Variants in NR2F2 observed in about 807,000 individuals in gnomAD.
The protein encoded by NR2F2 is nuclear receptor subfamily 2 group F member 2.
A neutral mutation model predicts 34.8 loss-of-function variants in NR2F2; 2 were observed. The observed-to-expected ratio is 0.06, with a 90% CI of 0.02 to 0.18. The LOEUF is 0.18. NR2F2 is among the 10% of genes least tolerant of loss of function. NR2F2 has a pLI of 1.00. For missense variants in NR2F2, 300 were observed against 580.1 expected (o/e 0.52, Z 4.96); for synonymous variants, 274 against 251.8 (o/e 1.09, Z -0.84).
chr15:96,334,128 G>T lies in NR2F2; in HGVS notation c.495G>T (p.Ala165=). The change falls in exon 2 of 3, where the codon GCG becomes GCT. Residue 165 remains alanine, a synonymous_variant. Coordinates refer to ENST00000394166, the MANE Select transcript of NR2F2 (RefSeq NM_021005.4). ...PPTQPTHGQF[A]LTNGDPLNCH... ...CCCAGCCGACCCACGGGCAGTTCGC[G>T]CTGACCAACGGGGATCCCCTCAACT... 1.9e-6 allele frequency: 3 copies of T among 1,613,666 alleles called. No homozygotes were observed. Among genetic ancestry groups the T allele is most frequent in the Non-Finnish European group, 1.7e-6 (2 of 1,180,030 alleles).
Position 96,330,857 on chromosome 15 carries a change from C to G in NR2F2, c.-1249C>G. ...GTTTTCTTCTTCTCCTCCTCCTCTC[C>G]CCGAGTTGCCTCCTTTCTCCGGGTG... On this transcript the variant is annotated 5_prime_UTR_variant, in exon 1 of 3. Coordinates refer to ENST00000394166, the MANE Select transcript of NR2F2 (RefSeq NM_021005.4). 1.7e-6 allele frequency: 2 copies of G among 1,157,810 alleles called. No homozygotes were observed. Among genetic ancestry groups the G allele is most frequent in the Non-Finnish European group, 2.1e-6 (2 of 939,918 alleles). The allele number at this position is 1,157,810 out of a possible 1,614,324, so 71.7% of individuals were successfully genotyped here.
In NR2F2 at chr15:96,332,310, G is replaced by A. The variant is rs1228634225; in HGVS notation, c.205G>A (p.Asp69Asn). The stretch of plus-strand genomic sequence containing the variant: ...GGGCGGCCCTGGCGGCCCGGGTAGC[G>A]ACAAGCAGCAGCAGCAGCAACACAT... ...GQGGPGGPGS[D>N]KQQQQQHIEC... Residue 69 changes from aspartate (D) to asparagine (N), a missense_variant, in exon 1 of 3, where the codon GAC becomes AAC. This residue lies in a region of NR2F2 where 105 missense variants were observed against 107.8 expected (regional missense o/e 0.97). Coordinates refer to ENST00000394166, the MANE Select transcript of NR2F2 (RefSeq NM_021005.4). The A allele has an allele frequency of 6.3e-7, 1 of 1,586,014 alleles. No homozygotes were observed. Among genetic ancestry groups the A allele is most frequent in the Non-Finnish European group, 8.6e-7 (1 of 1,166,672 alleles).
Position 96,331,297 on chromosome 15 carries a change from G to GGCC in NR2F2, c.-808_-806dup, listed in dbSNP as rs1899133647. 2 of 1,096,322 alleles carry GGCC rather than the reference G, an allele frequency of 1.8e-6. No homozygotes were observed. The highest frequency in any genetic ancestry group is 1.7e-5 in the African/African-American group (1 of 59,506). 67.9% of individuals were successfully genotyped at this position (1,096,322 alleles called of 1,614,324 possible). A position where few individuals can be genotyped will look rare whatever the true frequency, so the allele number is the denominator to read the frequency against. ...GCCCGGGGCAGGCGGCGGCGGCGGCGGCCCAGCGCCAGGACGACGCCGCGC... is the reference window on the plus strand; with the variant it reads ...GCCCGGGGCAGGCGGCGGCGGCGGCGGCCGCCCAGCGCCAGGACGACGCCGCGC... On this transcript the variant is annotated 5_prime_UTR_variant, in exon 1 of 3. Coordinates refer to ENST00000394166, the MANE Select transcript of NR2F2 (RefSeq NM_021005.4).
At position 96,338,174 on chromosome 15, in the gene NR2F2, A is replaced by C. The variant is rs1446820608; in HGVS notation, c.*552A>C. ...CAAGAATTAAAACTGAGTCCATGAA[A>C]ATACCATAGGAAGACATAAAACTTT... On this transcript the variant is annotated 3_prime_UTR_variant, in exon 3 of 3. Transcript: ENST00000394166. 1 of 152,710 alleles carries C rather than the reference A, an allele frequency of 6.5e-6. No individual in the cohort carries two copies. The highest frequency in any genetic ancestry group is 1.5e-5 in the Non-Finnish European group (1 of 68,098). The allele number at this position is 152,710 out of a possible 1,614,324, so 9.5% of individuals were successfully genotyped here. A position where few individuals can be genotyped will look rare whatever the true frequency, so the allele number is the denominator to read the frequency against.
At chr15:96,336,690 GGA>G (rs1161317037) in intron 2 of NR2F2, among the ~76,000 whole-genome samples, 9 of 151,894 alleles carry the variant, frequency 5.9e-5, no homozygotes, top group Non-Finnish European at 8.8e-5. Flanking sequence ...GGAGAAAAAG[GGA>G]GAGAGAAGAA....
intron 1 of NR2F2, 65 bp from the exon 2 acceptor site, chr15:96,334,011 C>G (rs2141168819): frequency 6.4e-7 from 1 of 1,560,890 alleles, no homozygotes; most frequent in African/African-American, 1.3e-5. Context: ...GGGGCAGACC[C>G]CGCCGGGGAA....
Position 96,331,553 on chromosome 15 carries a change from C to G in NR2F2, c.-553C>G, listed in dbSNP as rs1899142003. The G allele has an allele frequency of 8.1e-7, 1 of 1,227,870 alleles. No homozygotes were observed. The highest frequency in any genetic ancestry group is 1.0e-6 in the Non-Finnish European group (1 of 986,650). 76.1% of individuals were successfully genotyped at this position (1,227,870 alleles called of 1,614,324 possible). ...GTCGCCTCTCCTCCTCCTCTACCTC[C>G]TCCTTCACCACCACCTCCTCTTCCT... is the stretch of plus-strand genomic sequence containing the variant. On this transcript the variant is annotated 5_prime_UTR_variant, in exon 1 of 3. Transcript: ENST00000394166.
upstream of NR2F2, chr15:96,326,432 C>A (rs1437081518): frequency 1.6e-6 from 2 of 1,241,144 alleles, no homozygotes; most frequent in Non-Finnish European, 2.4e-6. The surrounding 1 kb of genome is among the most constrained non-coding windows in gnomAD (Gnocchi z 5.5). Flanking sequence ...TTGGGGATGA[C>A]TTGGGGCTTT....
At chr15:96,329,597 T>C (rs1358644454), upstream of NR2F2, among the ~76,000 whole-genome samples, 2 of 152,136 alleles carry the variant, frequency 1.3e-5, no homozygotes, top group Non-Finnish European at 2.9e-5. Flanking sequence ...AGAAGCATAG[T>C]CGGTGAAGTC....
chr15:96,326,576 G>C (rs765347545), upstream of NR2F2, among the ~76,000 whole-genome samples: 1 of 151,746 alleles, frequency 6.6e-6, no homozygotes, highest in East Asian at 1.9e-4. The surrounding 1 kb of genome is among the most constrained non-coding windows in gnomAD (Gnocchi z 5.5). Context: ...AGATGGTGGA[G>C]GGGGAGGGGG....
upstream of NR2F2, chr15:96,326,093 G>C (rs1222450917): frequency 1.6e-6 from 1 of 608,092 alleles, no homozygotes; most frequent in East Asian, 2.8e-5. The surrounding 1 kb of genome is among the most constrained non-coding windows in gnomAD (Gnocchi z 5.5). Flanking sequence ...CCTAATACAT[G>C]GGGAAGCACT....
Position 96,337,538 on chromosome 15 carries a change from A to G in NR2F2, c.1161A>G (p.Val387=), listed in dbSNP as rs766754918. The G allele has an allele frequency of 1.2e-6, 2 of 1,614,150 alleles. No individual in the cohort carries two copies. The highest frequency in any genetic ancestry group is 1.6e-4 in the Middle Eastern group (1 of 6,062). Residue 387 remains valine, a synonymous_variant, in exon 3 of 3, where the codon GTA becomes GTG. Transcript: ENST00000394166. ...VIEQLFFVRL[V]GKTPIETLIR... is the part of the protein sequence containing the mutation. Reference sequence around the variant, plus strand: ...AGCAATTGTTTTTCGTCCGTTTGGTAGGTAAAACCCCCATCGAAACCCTCA... The same window carrying G: ...AGCAATTGTTTTTCGTCCGTTTGGTGGGTAAAACCCCCATCGAAACCCTCA...
chr15:96,332,587 C>G, intron 1 of NR2F2, 40 bp downstream of exon 1: 1 of 1,594,894 alleles, frequency 6.3e-7, no homozygotes, highest in Non-Finnish European at 8.6e-7. Flanking sequence ...TCCTGGGTCC[C>G]GGGGTCCTGG....
intron 1 of NR2F2, chr15:96,333,371 G>A: frequency 3.0e-6 from 3 of 1,001,856 alleles, no homozygotes; most frequent in Non-Finnish European, 3.6e-6. Flanking sequence ...CTGGGCCCGA[G>A]CCTCGCCGGC....
rs902362753 is a variant in NR2F2 at position 96,331,119 on chromosome 15, G to T, written c.-987G>T. On this transcript the variant is annotated 5_prime_UTR_variant, in exon 1 of 3. Coordinates refer to ENST00000394166, the MANE Select transcript of NR2F2 (RefSeq NM_021005.4). ...AGCAGCGACTTCAGCGGCGGCGGCG[G>T]CGCTAGACGCAGCGGCTCCGGGCCC... The T allele has an allele frequency of 2.0e-5, 24 of 1,175,568 alleles. No homozygotes were observed. The African/African-American group carries it at 3.4e-4, about 17-fold the overall frequency. The allele number at this position is 1,175,568 out of a possible 1,614,324, so 72.8% of individuals were successfully genotyped here.
chr15:96,337,694 CTTCTG>C lies in NR2F2; in HGVS notation c.*75_*79del. 1.4e-6 allele frequency: 2 copies of C among 1,471,844 alleles called. No individual in the cohort carries two copies. Among genetic ancestry groups the C allele is most frequent in the South Asian group, 2.6e-5 (2 of 76,516 alleles). The allele number at this position is 1,471,844 out of a possible 1,614,324, so 91.2% of individuals were successfully genotyped here. On this transcript the variant is annotated 3_prime_UTR_variant, in exon 3 of 3. Coordinates refer to ENST00000394166, the MANE Select transcript of NR2F2 (RefSeq NM_021005.4). ...AAGACTGGTTTGTTTGCTTAATTTC[CTTCTG>C]TTAAGAAAGGATATAAAAGGATGTT... is the stretch of plus-strand genomic sequence containing the variant.
At chr15:96,333,710 C>A in intron 1 of NR2F2, 1 of 1,190,030 alleles carries the variant, frequency 8.4e-7, no homozygotes, top group Non-Finnish European at 1.0e-6. Flanking sequence ...CGCTCCCTCT[C>A]CTCCAATCAA....
chr15:96,336,914 C>A (rs1364001967), intron 2 of NR2F2, among the ~76,000 whole-genome samples: 1 of 152,082 alleles, frequency 6.6e-6, no homozygotes, highest in Admixed American at 6.5e-5. Context: ...ACCCCCAACC[C>A]CCAACCCCTA....
At position 96,339,861 on chromosome 15, in the gene NR2F2, G is replaced by A. The variant is rs549592481; in HGVS notation, c.*2239G>A. On this transcript the variant is annotated 3_prime_UTR_variant, in exon 3 of 3. Transcript: ENST00000394166. ...TTGTGGTTTAATTCTAATTGGTGGG[G>A]GGGGGGGAGGACTAGTGAGGGAGGT... The A allele has an allele frequency of 1.4e-4, 21 of 151,936 alleles. No homozygotes were observed. The highest frequency in any genetic ancestry group is 3.4e-4 in the African/African-American group (14 of 41,334). The allele number at this position is 151,936 out of a possible 1,614,324, so 9.4% of individuals were successfully genotyped here. A position where few individuals can be genotyped will look rare whatever the true frequency, so the allele number is the denominator to read the frequency against.
Sources: allele counts gnomAD v4.1 joint callset (sites outside exome capture counted in the v4.1 genomes callset), GRCh38; gene constraint gnomAD v4.1.1; regional missense constraint gnomAD v4.1.1; non-coding constraint Gnocchi (gnomAD v3.1); transcripts MANE v1.5; gene names NCBI Gene and HGNC (gene_info 2026-07-23, HGNC 2026-07-21).